Variants in CREBBP observed in about 807,000 individuals in gnomAD.
The protein encoded by CREBBP is CREB binding lysine acetyltransferase.
Under a neutral mutation model 265.0 loss-of-function variants are expected in CREBBP, and 19 were observed. That is an observed-to-expected ratio of 0.07 (90% CI 0.05 to 0.11). The LOEUF is 0.11. Among genes scored for constraint, CREBBP ranks in the 10% least tolerant of loss-of-function variants. The probability of loss-of-function intolerance (pLI) is 1.00; values close to 1 mark genes in which losing one functional copy is unlikely to be tolerated. For synonymous variants in CREBBP, 1,457 were observed against 1,223.7 expected, an observed-to-expected ratio of 1.19 and a Z score of -3.98; for missense variants, 2,525 against 3,219.0, an observed-to-expected ratio of 0.78 and a Z score of 5.22.
At chr16:3,793,078 C>T (rs1362350492) in intron 4 of CREBBP, among the ~76,000 whole-genome samples, 2 of 152,206 alleles carry the variant, frequency 1.3e-5, no homozygotes, top group African/African-American at 4.8e-5. Flanking sequence ...AAAGACAGTG[C>T]TCAAGAAGTG....
Position 3,763,755 on chromosome 16 carries a change from C to T in CREBBP, c.3250+3965G>A, listed in dbSNP as rs142565349. On this transcript the variant is annotated intron_variant, in intron 16 of 30. Coordinates refer to ENST00000262367, the MANE Select transcript of CREBBP (RefSeq NM_004380.3). ...TTGGGATTACAGGTGTGAGCCACTG[C>T]GCCCGGCCTGAAACAATTTTTATAA... is the stretch of plus-strand genomic sequence containing the variant. Among the ~76,000 whole-genome samples, 1,050 of 152,212 alleles carry T rather than the reference C, an allele frequency of 6.9e-3. 5 individuals carry two copies. The highest frequency in any genetic ancestry group is 8.3e-3 in the Non-Finnish European group (565 of 68,022).
At chr16:3,825,386 G>A (rs2054217908) in intron 2 of CREBBP, among the ~76,000 whole-genome samples, 1 of 152,170 alleles carries the variant, frequency 6.6e-6, no homozygotes, top group Admixed American at 6.5e-5. Flanking sequence ...ACAAACCACA[G>A]TGCCACATTC....
chr16:3,858,776 T>C (rs527648967), intron 1 of CREBBP, among the ~76,000 whole-genome samples: 175 of 152,348 alleles, frequency 1.1e-3, no homozygotes, highest in African/African-American at 3.3e-3. Flanking sequence ...CTTTTTCCTA[T>C]TGCCCTCTTT....
chr16:3,740,000 C>T (rs1183697938), intron 24 of CREBBP, among the ~76,000 whole-genome samples: 3 of 152,222 alleles, frequency 2.0e-5, no homozygotes, highest in Non-Finnish European at 2.9e-5. Context: ...CCCTTATCCA[C>T]GGGGTGTATG....
At chr16:3,879,631 G>C (rs2055481126) in intron 1 of CREBBP, among the ~76,000 whole-genome samples, 1 of 152,126 alleles carries the variant, frequency 6.6e-6, no homozygotes, top group Non-Finnish European at 1.5e-5. Context: ...AGTGCACCGG[G>C]CGTGTGCTGA....
chr16:3,821,504 A>G (rs2054141007), intron 2 of CREBBP, among the ~76,000 whole-genome samples: 1 of 152,258 alleles, frequency 6.6e-6, no homozygotes, highest in Admixed American at 6.5e-5. Flanking sequence ...TTTTACACAA[A>G]GAACAGCTAA....
At chr16:3,815,853 G>C (rs899886019) in intron 2 of CREBBP, among the ~76,000 whole-genome samples, 1 of 151,550 alleles carries the variant, frequency 6.6e-6, no homozygotes, top group African/African-American at 2.4e-5. Flanking sequence ...AATTATTTTT[G>C]AATAGTCACC....
intron 21 of CREBBP, among the ~76,000 whole-genome samples, chr16:3,745,842 G>A (rs531470184): frequency 5.0e-4 from 76 of 152,324 alleles, no homozygotes; most frequent in Middle Eastern, 3.4e-3. Context: ...CACGCTAGGC[G>A]CGAGGCACAA....
At position 3,777,733 on chromosome 16, in the gene CREBBP, T is replaced by C. The variant is rs923801629; in HGVS notation, c.2114-76A>G. 2.3e-5 allele frequency: 36 copies of C among 1,559,178 alleles called. No homozygotes were observed. In the East Asian group the frequency reaches 6.1e-4, roughly 26 times the overall value. On this transcript the variant is annotated intron_variant, in intron 10 of 30. Coordinates refer to ENST00000262367, the MANE Select transcript of CREBBP (RefSeq NM_004380.3). The stretch of plus-strand genomic sequence containing the variant: ...TAATCCTTGATTCAGGAATAGGAAA[T>C]TTCTTATTAGGACTTCAAACTTAAA...
At chr16:3,826,260 A>C (rs2054234861) in intron 2 of CREBBP, among the ~76,000 whole-genome samples, 1 of 152,192 alleles carries the variant, frequency 6.6e-6, no homozygotes. Context: ...AGACACTTTC[A>C]TTTATCCTGT....
chr16:3,740,175 C>CTATA (rs1221911576), intron 24 of CREBBP, among the ~76,000 whole-genome samples: 1 of 152,176 alleles, frequency 6.6e-6, no homozygotes, highest in African/African-American at 2.4e-5. Context: ...AAACAGTATA[C>CTATA]TATAATATGG....
intron 1 of CREBBP, among the ~76,000 whole-genome samples, chr16:3,864,605 G>A (rs1034530814): frequency 6.6e-6 from 1 of 152,134 alleles, no homozygotes; most frequent in African/African-American, 2.4e-5. Flanking sequence ...TCAAGATCAC[G>A]TCACTGCACT....
At chr16:3,758,770 T>C in intron 17 of CREBBP, 84 bp downstream of exon 17, 1 of 1,049,454 alleles carries the variant, frequency 9.5e-7, no homozygotes, top group Non-Finnish European at 1.5e-6. Context: ...GGGGGATTAT[T>C]TTATCTAATT....
intron 1 of CREBBP, among the ~76,000 whole-genome samples, chr16:3,862,992 T>G (rs2055108373): frequency 6.6e-6 from 1 of 152,166 alleles, no homozygotes; most frequent in African/African-American, 2.4e-5. Context: ...CATGGAAACA[T>G]GATGAACTTC....
intron 1 of CREBBP, among the ~76,000 whole-genome samples, chr16:3,854,430 G>A (rs770097703): frequency 6.6e-6 from 1 of 152,200 alleles, no homozygotes; most frequent in African/African-American, 2.4e-5. Context: ...TCTCTGAACT[G>A]CTGAGTGATG....
At chr16:3,749,480 T>C in intron 21 of CREBBP, 147 bp downstream of exon 21, 1 of 618,190 alleles carries the variant, frequency 1.6e-6, no homozygotes, top group Non-Finnish European at 2.9e-6. Flanking sequence ...TTAAAAGAAA[T>C]CTATATCTAA....
At chr16:3,777,320 G>A (rs902991404) in intron 11 of CREBBP, among the ~76,000 whole-genome samples, 2 of 151,932 alleles carry the variant, frequency 1.3e-5, no homozygotes, top group Non-Finnish European at 2.9e-5. Flanking sequence ...GGGCGACAGA[G>A]CGAGACTCCA....
intron 26 of CREBBP, among the ~76,000 whole-genome samples, chr16:3,738,284 TATG>T (rs1421192679): frequency 6.7e-5 from 10 of 149,726 alleles, no homozygotes; most frequent in Non-Finnish European, 1.5e-4. Context: ...AGGGGAATTC[TATG>T]ATATGTAAAC....
At position 3,767,716 on chromosome 16, in the gene CREBBP, C is replaced by T. The variant is rs1301154478; in HGVS notation, c.3250+4G>A. On this transcript the variant is annotated splice_donor_region_variant and intron_variant, in intron 16 of 30. Transcript: ENST00000262367. ...TTTAATAAGGTAATGAATAAATGGC[C>T]TACTTTTTTTGCGCGGCTGCGAAGG... is the stretch of plus-strand genomic sequence containing the variant. The T allele has an allele frequency of 1.1e-5, 18 of 1,614,130 alleles. No homozygotes were observed. Among genetic ancestry groups the T allele is most frequent in the Admixed American group, 1.7e-5 (1 of 60,000 alleles).
Sources: gnomAD v4.1 joint callset for allele counts (sites outside exome capture counted in the v4.1 genomes callset) on GRCh38, gnomAD v4.1.1 for gene constraint, MANE v1.5 for transcripts, NCBI Gene and HGNC (gene_info 2026-07-23, HGNC 2026-07-21) for gene names.